The following KIR3DL1 variants were observed in gnomAD, a reference collection of about 807,000 sequenced individuals.
KIR3DL1 encodes killer cell immunoglobulin like receptor, three Ig domains and long cytoplasmic tail 1.
KIR3DL1 carries 50 observed loss-of-function variants against 40.3 expected under a neutral mutation model. The ratio of observed to expected loss-of-function variants is 1.24; its 90% confidence interval spans 0.99 to 1.57. The LOEUF (loss-of-function observed/expected upper bound fraction) is 1.57, where lower values mean the gene tolerates loss of function less well. Among genes scored for constraint, KIR3DL1 ranks in the 40% most tolerant of loss-of-function variants. The pLI, the probability that KIR3DL1 is intolerant of heterozygous loss-of-function variation, is 0.00. For synonymous variants in KIR3DL1, 257 were observed against 207.2 expected (o/e 1.24, Z -2.07); for missense variants, 661 against 559.9 (o/e 1.18, Z -1.82).
At chr19:54,817,597 T>G (rs761592538) in intron 2 of KIR3DL1, 28 bp downstream of exon 2, 1 of 1,487,880 alleles carries the variant, frequency 6.7e-7, no homozygotes, top group South Asian at 1.2e-5. Context: ...CCTTAGGGTG[T>G]CATCTCCCCA....
At chr19:54,828,005 C>T (rs1442309164) in intron 6 of KIR3DL1, among the ~76,000 whole-genome samples, 2 of 150,580 alleles carry the variant, frequency 1.3e-5, no homozygotes, top group East Asian at 3.9e-4. Context: ...AGATCAGTGC[C>T]AGCACTAGCT....
At chr19:54,820,158 A>C in intron 4 of KIR3DL1, 146 bp downstream of exon 4, 1 of 855,658 alleles carries the variant, frequency 1.2e-6, no homozygotes, top group East Asian at 2.6e-5. Flanking sequence ...ACCAACAGAG[A>C]CAGAGAAACA....
chr19:54,817,402 A>G, intron 1 of KIR3DL1, 132 bp from the exon 2 acceptor site: 1 of 763,820 alleles, frequency 1.3e-6, no homozygotes, highest in Admixed American at 1.9e-5. Context: ...TCCTGGGGGC[A>G]GGTAGGCAGC....
chr19:54,828,394 A>G (rs2062020714), intron 6 of KIR3DL1, among the ~76,000 whole-genome samples: 3 of 151,270 alleles, frequency 2.0e-5, no homozygotes, highest in Admixed American at 1.3e-4. Context: ...GCCAATTCCT[A>G]TCACTCACCG....
chr19:54,818,452 A>G lies in KIR3DL1; in HGVS notation c.208A>G (p.Ile70Val). The change falls in exon 3 of 9, where the codon ATC becomes GTC. Residue 70 changes from isoleucine to valine, a missense_variant. Coordinates refer to ENST00000391728, the Ensembl canonical transcript of KIR3DL1. ...CAAAGAAGACAGAATCCACATTCCC[A>G]TCTTCCATGGCAGAATATTCCAGGA... 6 of 1,608,046 alleles carry G rather than the reference A, an allele frequency of 3.7e-6. No homozygotes were observed. The highest frequency in any genetic ancestry group is 5.1e-6 in the Non-Finnish European group (6 of 1,177,692).
intron 3 of KIR3DL1, among the ~76,000 whole-genome samples, 171 bp from the exon 4 acceptor site, chr19:54,819,542 G>C (rs1273532122): frequency 2.0e-5 from 3 of 151,290 alleles, no homozygotes; most frequent in Admixed American, 6.6e-5. Flanking sequence ...AGAAGAGGGA[G>C]GAAGACAGAT....
exon 4 of KIR3DL1, chr19:54,819,891 C>A (rs767564575): frequency 6.2e-7 from 1 of 1,612,162 alleles, no homozygotes; most frequent in Non-Finnish European, 8.5e-7. Flanking sequence ...TCTCCAAGGC[C>A]AATTTCTCCA....
At position 54,821,804 on chromosome 19, in the gene KIR3DL1, C is replaced by G. The variant is rs548514164; in HGVS notation, c.895C>G (p.His299Asp). The change falls in exon 5 of 9, where the codon CAC (histidine) becomes GAC (aspartate). Residue 299 changes from histidine to aspartate, a missense_variant. Physicochemically the swap from His to Asp is moderately conservative, Grantham distance 81. Transcript: ENST00000391728. Reference sequence around the variant, plus strand: ...CTACAGATGCTTCGGCTCTTTCCGTCACTCTCCCTACGAGTGGTCAGACCC... The same window carrying G: ...CTACAGATGCTTCGGCTCTTTCCGTGACTCTCCCTACGAGTGGTCAGACCC... The G allele has an allele frequency of 8.7e-5, 139 of 1,605,220 alleles. 4 individuals carry two copies. In the African/African-American group the frequency reaches 1.6e-3, roughly 19 times the overall value.
At chr19:54,819,726 A>G (rs758320795) in exon 4 of KIR3DL1, 1 of 1,608,544 alleles carries the variant, frequency 6.2e-7, no homozygotes, top group South Asian at 1.1e-5. Flanking sequence ...ACCACAGAAA[A>G]CCTTCCCTCC....
intron 3 of KIR3DL1, among the ~76,000 whole-genome samples, chr19:54,818,815 C>A (rs62124093): frequency 6.8e-6 from 1 of 147,914 alleles, no homozygotes; most frequent in East Asian, 1.9e-4. Context: ...ATTTATGTTA[C>A]AGGGCAGGGG....
intron 6 of KIR3DL1, among the ~76,000 whole-genome samples, chr19:54,828,037 T>C (rs1479762024): frequency 5.3e-5 from 8 of 150,560 alleles, no homozygotes; most frequent in African/African-American, 9.9e-5. Context: ...TTCCTACTAA[T>C]TCACAGGAGG....
At position 54,817,576 on chromosome 19, in the gene KIR3DL1, C is replaced by A; in HGVS notation, c.70+7C>A. ...AGGGCCGGTCCACACATGGGTGAGT[C>A]CTTCCCCAAACCTTAGGGTGTCATC... is the stretch of plus-strand genomic sequence containing the variant. On this transcript the variant is annotated splice_region_variant and intron_variant, in intron 2 of 8. Coordinates refer to ENST00000391728, the Ensembl canonical transcript of KIR3DL1. 2 of 1,510,584 alleles carry A rather than the reference C, an allele frequency of 1.3e-6. No individual in the cohort carries two copies. Among genetic ancestry groups the A allele is most frequent in the South Asian group, 2.3e-5 (2 of 86,514 alleles). 93.6% of individuals were successfully genotyped at this position (1,510,584 alleles called of 1,614,324 possible). A position where few individuals can be genotyped will look rare whatever the true frequency, so the allele number is the denominator to read the frequency against.
chr19:54,830,667 G>A (rs1228735657), exon 9 of KIR3DL1: 1 of 236,068 alleles, frequency 4.2e-6, no homozygotes, highest in African/African-American at 2.3e-5. Context: ...CCCTCATGCT[G>A]TTTCACCTTT....
At chr19:54,820,223 C>G (rs1236709069) in intron 4 of KIR3DL1, among the ~76,000 whole-genome samples, 1 of 151,384 alleles carries the variant, frequency 6.6e-6, no homozygotes, top group African/African-American at 2.4e-5. Context: ...AGGGGCCATA[C>G]AGGGAGGTAG....
At chr19:54,817,188 A>G (rs2061390108) in intron 1 of KIR3DL1, among the ~76,000 whole-genome samples, 1 of 139,524 alleles carries the variant, frequency 7.2e-6, no homozygotes, top group African/African-American at 2.8e-5. Flanking sequence ...ATGAGCCTGG[A>G]GTGGATATAT....
chr19:54,830,314 C>T lies in KIR3DL1; in HGVS notation c.*39C>T, dbSNP rs1219348738. ...GCCTTGAGGACGTCTTCTAGGGAGA[C>T]AACAGCCCTGTCTCAAAACCGAGTT... is the stretch of plus-strand genomic sequence containing the variant. On this transcript the variant is annotated 3_prime_UTR_variant, in exon 9 of 9. Transcript: ENST00000391728. 1.0e-5 allele frequency: 15 copies of T among 1,507,450 alleles called. 4 individuals carry two copies. In the African/African-American group the frequency reaches 1.8e-4, roughly 18 times the overall value. The allele number at this position is 1,507,450 out of a possible 1,614,324, so 93.4% of individuals were successfully genotyped here.
chr19:54,821,522 C>G, intron 4 of KIR3DL1, 43 bp from the exon 5 acceptor site: 1 of 1,579,220 alleles, frequency 6.3e-7, no homozygotes, highest in East Asian at 2.3e-5. Flanking sequence ...GGAGCTATGA[C>G]AAGGAAGAAC....
chr19:54,830,210 G>A (rs1348948231), exon 9 of KIR3DL1: 1 of 1,523,720 alleles, frequency 6.6e-7, no homozygotes, highest in African/African-American at 1.4e-5. Context: ...ACCCCCTACA[G>A]ATACCATCTT....
At chr19:54,821,323 C>T (rs1421187941) in intron 4 of KIR3DL1, among the ~76,000 whole-genome samples, 2 of 150,848 alleles carry the variant, frequency 1.3e-5, no homozygotes, top group Non-Finnish European at 2.9e-5. Context: ...CAAGGAGGGT[C>T]AGAGAGAATA....
Sources: allele counts gnomAD v4.1 joint callset (sites outside exome capture counted in the v4.1 genomes callset), GRCh38; gene constraint gnomAD v4.1.1; transcripts MANE v1.5; gene names NCBI Gene and HGNC (gene_info 2026-07-23, HGNC 2026-07-21).